SERPINA1: variants seen among roughly 807,000 people sequenced by gnomAD.
SERPINA1 encodes alpha-1-antitrypsin.
In SERPINA1, 21 loss-of-function variants were observed where a neutral mutation model predicts 25.4. That is an observed-to-expected ratio of 0.83 (90% CI 0.59 to 1.19). SERPINA1 has a LOEUF of 1.19. Among genes scored for constraint, SERPINA1 ranks in the 50% most tolerant of loss-of-function variants. The pLI, the probability that SERPINA1 is intolerant of heterozygous loss-of-function variation, is 0.00. For synonymous variants in SERPINA1, 218 were observed against 211.1 expected (o/e 1.03, Z -0.29); for missense variants, 546 against 509.0 (o/e 1.07, Z -0.70).
At position 94,382,718 on chromosome 14, in the gene SERPINA1, T is replaced by C. The variant is rs1450215301; in HGVS notation, c.520A>G (p.Thr174Ala). Residue 174 changes from threonine (T) to alanine (A), a missense_variant, in exon 2 of 5, where the codon ACC becomes GCC. Transcript: ENST00000393087. ...TTGATCTGTTTCTTGGCCTCTTCGG[T>C]GTCCCCGAAGTTGACAGTGAAGGCT... The part of the protein sequence containing the change: ...SEAFTVNFGD[T>A]EEAKKQINDY... 4 of 1,614,274 alleles carry C rather than the reference T, an allele frequency of 2.5e-6. No individual in the cohort carries two copies. The highest frequency in any genetic ancestry group is 2.5e-6 in the Non-Finnish European group (3 of 1,180,054).
At chr14:94,387,408 G>A (rs560273407) in intron 1 of SERPINA1, among the ~76,000 whole-genome samples, 7 of 152,306 alleles carry the variant, frequency 4.6e-5, no homozygotes, top group Admixed American at 1.3e-4. Context: ...TTTTAGAGGC[G>A]TTCTATAGGA....
chr14:94,378,568 T>C lies in SERPINA1; in HGVS notation c.1138A>G (p.Ile380Val), dbSNP rs1486743686. The C allele has an allele frequency of 1.2e-6, 2 of 1,614,164 alleles. No homozygotes were observed. Among genetic ancestry groups the C allele is most frequent in the East Asian group, 2.2e-5 (1 of 44,880 alleles). ...ACCTCGGGGGGGATAGACATGGGTA[T>C]GGCCTCTAAAAACATGGCCCCAGCA... ...EAAGAMFLEA[I>V]PMSIPPEVKF... The change falls in exon 5 of 5, where the codon ATA (isoleucine) becomes GTA (valine). Residue 380 changes from isoleucine to valine, a missense_variant. Ile to Val is a conservative substitution (Grantham distance 29). Transcript: ENST00000393087.
rs1388232058 is a variant in SERPINA1 at position 94,380,768 on chromosome 14, G to C, written c.917+103C>G. 14 of 1,454,008 alleles carry C rather than the reference G, an allele frequency of 9.6e-6. 1 individual carries two copies. Among genetic ancestry groups the C allele is most frequent in the Non-Finnish European group, 1.4e-5 (14 of 1,035,854 alleles). The allele number at this position is 1,454,008 out of a possible 1,614,324, so 90.1% of individuals were successfully genotyped here. A position where few individuals can be genotyped will look rare whatever the true frequency, so the allele number is the denominator to read the frequency against. Reference sequence around the variant, plus strand: ...GAGTAGCAGTGACCCAGGGATGTGGGGTTCACCCTCCTCAGCCCTCTGGCC... The same window carrying C: ...GAGTAGCAGTGACCCAGGGATGTGGCGTTCACCCTCCTCAGCCCTCTGGCC... On this transcript the variant is annotated intron_variant, in intron 3 of 4. Transcript: ENST00000393087.
intron 3 of SERPINA1, among the ~76,000 whole-genome samples, chr14:94,380,496 A>T (rs1181858268): frequency 1.3e-5 from 2 of 152,062 alleles, no homozygotes; most frequent in African/African-American, 4.8e-5. Context: ...CTTGAACTCC[A>T]CACTCCACTG....
Position 94,378,586 on chromosome 14 carries a change from C to T in SERPINA1, c.1120G>A (p.Ala374Thr), listed in dbSNP as rs752723808. The change falls in exon 5 of 5, where the codon GCC becomes ACC. Residue 374 changes from alanine (A) to threonine (T), a missense_variant. Transcript: ENST00000393087. ...ATGGGTATGGCCTCTAAAAACATGG[C>T]CCCAGCAGCTTCAGTCCCTTTCTCG... is the stretch of plus-strand genomic sequence containing the variant. ...IDEKGTEAAG[A>T]MFLEAIPMSI... 14 of 1,614,036 alleles carry T rather than the reference C, an allele frequency of 8.7e-6. No individual in the cohort carries two copies. In the African/African-American group the frequency reaches 1.7e-4, roughly 20 times the overall value.
At chr14:94,385,398 G>A (rs1041513693) in intron 1 of SERPINA1, among the ~76,000 whole-genome samples, 17 of 152,200 alleles carry the variant, frequency 1.1e-4, no homozygotes, top group African/African-American at 3.6e-4. Context: ...GCGTGATCTC[G>A]GCTCACTGAA....
chr14:94,380,541 G>A lies in SERPINA1; in HGVS notation c.917+330C>T, dbSNP rs1254965424. ...CCAGGAAGCCCATCTGTTCCTTTTT[G>A]GTTCTGCCAGAACGTGTGGTGGTGC... On this transcript the variant is annotated intron_variant, in intron 3 of 4. Coordinates refer to ENST00000393087, the MANE Select transcript of SERPINA1 (RefSeq NM_000295.5). The A allele has an allele frequency of 1.5e-5, 6 of 391,824 alleles. No individual in the cohort carries two copies. In the Admixed American group the frequency reaches 2.3e-4, roughly 15 times the overall value. 24.3% of individuals were successfully genotyped at this position (391,824 alleles called of 1,614,324 possible).
intron 1 of SERPINA1, among the ~76,000 whole-genome samples, chr14:94,384,817 C>T (rs1311650390): frequency 2.0e-5 from 3 of 152,282 alleles, no homozygotes; most frequent in East Asian, 3.9e-4. Flanking sequence ...ATTCTTCAAC[C>T]CCCTTGGACT....
chr14:94,379,424 C>T, intron 4 of SERPINA1, 40 bp downstream of exon 4: 1 of 1,612,768 alleles, frequency 6.2e-7, no homozygotes, highest in South Asian at 1.1e-5. Context: ...TTCTTCCCTA[C>T]AGATACCAGG....
At chr14:94,382,344 AG>A (rs2139690076) in intron 2 of SERPINA1, among the ~76,000 whole-genome samples, 1 of 152,370 alleles carries the variant, frequency 6.6e-6, no homozygotes, top group Non-Finnish European at 1.5e-5. Context: ...AGTATACACA[AG>A]GACATTAAAG....
rs1205774896 is a variant in SERPINA1 at position 94,376,944 on chromosome 14, G to A, written c.*1505C>T. 1 of 152,210 alleles carries A rather than the reference G, an allele frequency of 6.6e-6. No individual in the cohort carries two copies. Among genetic ancestry groups the A allele is most frequent in the African/African-American group, 2.4e-5 (1 of 41,454 alleles). The allele number at this position is 152,210 out of a possible 1,614,324, so 9.4% of individuals were successfully genotyped here. The stretch of plus-strand genomic sequence containing the variant: ...TGGATCCAGGTCTTCAGACTCTCAG[G>A]TCTGGTGTCATCCTAGGGGGCTTGG... On this transcript the variant is annotated 3_prime_UTR_variant, in exon 5 of 5. Transcript: ENST00000393087.
chr14:94,379,436 T>C (rs1203224764), intron 4 of SERPINA1, 28 bp downstream of exon 4: 2 of 1,607,246 alleles, frequency 1.2e-6, no homozygotes, highest in Non-Finnish European at 1.7e-6. Flanking sequence ...GATACCAGGG[T>C]GCAACAAGGT....
chr14:94,381,274 A>C, intron 2 of SERPINA1, 133 bp from the exon 3 acceptor site: 1 of 861,404 alleles, frequency 1.2e-6, no homozygotes, highest in Non-Finnish European at 1.8e-6. Flanking sequence ...CTCGAGGCTC[A>C]GCTTCATCAT....
At chr14:94,387,045 T>G (rs538281237) in intron 1 of SERPINA1, among the ~76,000 whole-genome samples, 8 of 152,326 alleles carry the variant, frequency 5.3e-5, no homozygotes, top group African/African-American at 1.9e-4. Context: ...TTGTCTGGGA[T>G]TAAACAGATT....
At position 94,383,149 on chromosome 14, in the gene SERPINA1, T is replaced by A. The variant is rs864622048; in HGVS notation, c.89A>T (p.Asp30Val). The A allele has an allele frequency of 6.2e-7, 1 of 1,614,126 alleles. No individual in the cohort carries two copies. Among genetic ancestry groups the A allele is most frequent in the Non-Finnish European group, 8.5e-7 (1 of 1,180,016 alleles). ...PVSLAEDPQGDAAQKTDTSHH... is the reference protein window; with the variant it reads ...PVSLAEDPQGVAAQKTDTSHH... ...GGATGTATCTGTCTTCTGGGCAGCA[T>A]CTCCCTGGGGATCCTCAGCCAGGGA... Residue 30 changes from aspartate (D) to valine (V), a missense_variant, in exon 2 of 5, where the codon GAT becomes GTT. Physicochemically the swap from Asp to Val is radical, Grantham distance 152. Coordinates refer to ENST00000393087, the MANE Select transcript of SERPINA1 (RefSeq NM_000295.5).
intron 1 of SERPINA1, among the ~76,000 whole-genome samples, chr14:94,384,296 T>C (rs1182812110): frequency 6.6e-6 from 1 of 152,180 alleles, no homozygotes; most frequent in East Asian, 1.9e-4. Flanking sequence ...TGTTTATGTA[T>C]GAGAATTTAG....
intron 3 of SERPINA1, among the ~76,000 whole-genome samples, 177 bp from the exon 4 acceptor site, chr14:94,379,788 T>C (rs991697369): frequency 1.4e-5 from 2 of 138,304 alleles, no homozygotes; most frequent in East Asian, 5.1e-4. Context: ...TCTTCTACAT[T>C]GAGTCAAAGA....
Position 94,383,257 on chromosome 14 carries a change from G to A in SERPINA1, c.-4-16C>T, listed in dbSNP as rs183168999. 1.6e-5 allele frequency: 25 copies of A among 1,604,364 alleles called. No homozygotes were observed. Among genetic ancestry groups the A allele is most frequent in the Admixed American group, 1.0e-4 (6 of 59,842 alleles). ...CGGCATTGTCCTGCAAGACAGAGAT[G>A]GGGGGGCCAGGCCCCGAGTCAAGGC... is the stretch of plus-strand genomic sequence containing the variant. On this transcript the variant is annotated splice_polypyrimidine_tract_variant and intron_variant, in intron 1 of 4. Transcript: ENST00000393087.
chr14:94,382,565 C>G, intron 2 of SERPINA1, 27 bp downstream of exon 2: 1 of 1,614,180 alleles, frequency 6.2e-7, no homozygotes, highest in Non-Finnish European at 8.5e-7. Flanking sequence ...TCTATGGGAA[C>G]AGCTCAGGCT....
Sources: gnomAD v4.1 joint callset for allele counts (sites outside exome capture counted in the v4.1 genomes callset) on GRCh38, gnomAD v4.1.1 for gene constraint, MANE v1.5 for transcripts, NCBI Gene and HGNC (gene_info 2026-07-23, HGNC 2026-07-21) for gene names.